Variants in NOTCH2 observed in about 807,000 individuals in gnomAD.
The protein encoded by NOTCH2 is neurogenic locus notch homolog protein 2.
In NOTCH2, 29 loss-of-function variants were observed where a neutral mutation model predicts 235.8. That is an observed-to-expected ratio of 0.12 (90% CI 0.09 to 0.17). The LOEUF (loss-of-function observed/expected upper bound fraction) is 0.17, where lower values mean the gene tolerates loss of function less well. Ranked by LOEUF, NOTCH2 falls within the 10% of genes least tolerant of loss-of-function variation. NOTCH2 has a pLI of 1.00. For missense variants in NOTCH2, 2,285 were observed against 3,150.2 expected, an observed-to-expected ratio of 0.73 and a Z score of 6.57; for synonymous variants, 1,086 against 1,141.5, an observed-to-expected ratio of 0.95 and a Z score of 0.98.
chr1:120,023,445 AC>A (rs1235600213), intron 2 of NOTCH2, among the ~76,000 whole-genome samples: 1 of 143,918 alleles, frequency 6.9e-6, no homozygotes, highest in East Asian at 2.0e-4. Context: ...TCAAAAAAAA[AC>A]AACAACAAAA....
At chr1:120,038,943 A>C (rs2101359192) in intron 1 of NOTCH2, among the ~76,000 whole-genome samples, 1 of 152,232 alleles carries the variant, frequency 6.6e-6, no homozygotes, top group South Asian at 2.1e-4. Context: ...TAGCTGAAAT[A>C]GGTTGAATGG....
chr1:119,920,934 C>G (rs968528285), intron 29 of NOTCH2, among the ~76,000 whole-genome samples: 2 of 152,188 alleles, frequency 1.3e-5, no homozygotes, highest in African/African-American at 2.4e-5. Flanking sequence ...AATTTAAAAG[C>G]AGCTACCCTT....
intron 1 of NOTCH2, among the ~76,000 whole-genome samples, chr1:120,048,561 G>GCATGCAGATTGGCTGTGGGACCTTGTTC (rs1654894230): frequency 7.2e-6 from 1 of 138,226 alleles, no homozygotes; most frequent in Non-Finnish European, 1.5e-5. Flanking sequence ...CAATCCTCCT[G>GCATGCAGATTGGCTGTGGGACCTTGTTC]CCTCAGCCTC....
Position 119,919,620 on chromosome 1 carries a change from G to T in NOTCH2, c.5480-7C>A. The T allele has an allele frequency of 3.1e-6, 5 of 1,613,468 alleles. No individual in the cohort carries two copies. Among genetic ancestry groups the T allele is most frequent in the Non-Finnish European group, 4.2e-6 (5 of 1,179,730 alleles). ...ATCAATGGGGTGCAGCCATCTGTAG[G>T]AATGGAAAATTCCATAAAGTACTCA... On this transcript the variant is annotated splice_polypyrimidine_tract_variant and splice_region_variant and intron_variant, in intron 30 of 33. Transcript: ENST00000256646.
At chr1:120,005,101 T>A (rs1652914033) in intron 3 of NOTCH2, 2 of 735,900 alleles carry the variant, frequency 2.7e-6, no homozygotes, top group Non-Finnish European at 4.5e-6. Flanking sequence ...ACATATATAC[T>A]TTAAGCAGTC....
chr1:119,915,118 GCCTTGCAGATAC>G lies in NOTCH2; in HGVS notation c.*176_*187del. ...CTTATTAGATTAGAATAATCAATAA[GCCTTGCAGATAC>G]CCAGTGAAACTGACGAATTGCTTCT... On this transcript the variant is annotated 3_prime_UTR_variant, in exon 34 of 34. Transcript: ENST00000256646. The G allele has an allele frequency of 1.5e-6, 1 of 653,404 alleles. No individual in the cohort carries two copies. 40.5% of individuals were successfully genotyped at this position (653,404 alleles called of 1,614,324 possible). A position where few individuals can be genotyped will look rare whatever the true frequency, so the allele number is the denominator to read the frequency against.
chr1:119,986,899 C>A (rs1652040368), intron 5 of NOTCH2, 61 bp downstream of exon 5: 2 of 1,610,226 alleles, frequency 1.2e-6, no homozygotes, highest in Admixed American at 1.7e-5. Flanking sequence ...TTTAAAAAAA[C>A]AGTCTGCCTC....
At chr1:119,987,727 T>A (rs1330671697) in intron 4 of NOTCH2, among the ~76,000 whole-genome samples, 1 of 152,148 alleles carries the variant, frequency 6.6e-6, no homozygotes, top group African/African-American at 2.4e-5. Flanking sequence ...AAGTGCCACA[T>A]CATGAGTAAA....
chr1:119,984,013 A>G (rs1553201947), intron 5 of NOTCH2, among the ~76,000 whole-genome samples: 1 of 152,210 alleles, frequency 6.6e-6, no homozygotes, highest in African/African-American at 2.4e-5. Context: ...CAGACCAAAT[A>G]GTTAATGCTT....
rs782552234 is a variant in NOTCH2 at position 119,996,976 on chromosome 1, G to A, written c.751+21C>T. ...GCTAGGGGTTTGTCCCCTAATCCTGGGACACTAGGGAGCTCCTTACCTGGA... is the reference window on the plus strand; with the variant it reads ...GCTAGGGGTTTGTCCCCTAATCCTGAGACACTAGGGAGCTCCTTACCTGGA... On this transcript the variant is annotated intron_variant, in intron 4 of 33. Transcript: ENST00000256646. 4 of 1,609,500 alleles carry A rather than the reference G, an allele frequency of 2.5e-6. No homozygotes were observed. The African/African-American group carries it at 5.3e-5, about 21-fold the overall frequency.
intron 1 of NOTCH2, among the ~76,000 whole-genome samples, chr1:120,067,043 A>G (rs1192025792): frequency 4.6e-5 from 7 of 150,748 alleles, no homozygotes; most frequent in Non-Finnish European, 1.0e-4. Flanking sequence ...ACAATCAGAC[A>G]TACTGCTAAC....
Position 119,961,348 on chromosome 1 carries a change from C to G in NOTCH2, c.1916-1846G>C, listed in dbSNP as rs148341913. On this transcript the variant is annotated intron_variant, in intron 11 of 33. Coordinates refer to ENST00000256646, the MANE Select transcript of NOTCH2 (RefSeq NM_024408.4). ...TTGACTGACAACCCTGCTTTACCCT[C>G]AAACTAAGAAGGCAGCACCCCCTCC... Among the ~76,000 whole-genome samples the G allele has an allele frequency of 2.4e-3, 359 of 152,340 alleles. 1 individual carries two copies. Among genetic ancestry groups the G allele is most frequent in the Non-Finnish European group, 3.8e-3 (261 of 68,024 alleles).
chr1:120,069,309 C>G (rs1553217887), intron 1 of NOTCH2, 25 bp downstream of exon 1: 1 of 1,548,086 alleles, frequency 6.5e-7, no homozygotes, highest in African/African-American at 1.4e-5. Context: ...GCGCCGCGGA[C>G]AGCGCCCCTC....
intron 24 of NOTCH2, 56 bp from the exon 25 acceptor site, chr1:119,925,866 G>A (rs993788197): frequency 1.2e-4 from 185 of 1,600,080 alleles, no homozygotes; most frequent in South Asian, 3.8e-4. Flanking sequence ...AGTCATATTG[G>A]AAGTTTGAGG....
At chr1:119,916,727 A>G (rs1446652369) in intron 33 of NOTCH2, 33 bp from the exon 34 acceptor site, 1 of 1,607,820 alleles carries the variant, frequency 6.2e-7, no homozygotes, top group Admixed American at 1.7e-5. Context: ...AACACATGTT[A>G]ATAACACTCT....
At chr1:119,966,537 A>G (rs368066894) in intron 8 of NOTCH2, 48 bp from the exon 9 acceptor site, 98 of 1,342,902 alleles carry the variant, frequency 7.3e-5, no homozygotes, top group East Asian at 4.4e-4. Context: ...AGAAAGGTGT[A>G]TTCCAGACAA....
At chr1:119,919,670 TG>T in intron 30 of NOTCH2, 57 bp from the exon 31 acceptor site, 2 of 1,527,370 alleles carry the variant, frequency 1.3e-6, no homozygotes, top group Admixed American at 3.6e-5. Context: ...GTTAACCCTA[TG>T]GTTGAAACAG....
intron 19 of NOTCH2, among the ~76,000 whole-genome samples, chr1:119,938,447 C>T (rs1649941631): frequency 6.6e-6 from 1 of 152,146 alleles, no homozygotes; most frequent in East Asian, 1.9e-4. Context: ...AATTATTTAT[C>T]CAATTTTTGG....
chr1:119,986,874 A>G, intron 5 of NOTCH2, 86 bp downstream of exon 5: 1 of 1,574,992 alleles, frequency 6.3e-7, no homozygotes, highest in Non-Finnish European at 8.7e-7. Context: ...GGCCTAAGAT[A>G]TTTGTTACTG....
Sources: gnomAD v4.1 joint callset for allele counts (sites outside exome capture counted in the v4.1 genomes callset) on GRCh38, gnomAD v4.1.1 for gene constraint, MANE v1.5 for transcripts, NCBI Gene and HGNC (gene_info 2026-07-23, HGNC 2026-07-21) for gene names.